CEP57L1: variants seen among roughly 807,000 people sequenced by gnomAD.
The protein encoded by CEP57L1 is centrosomal protein CEP57L1.
In CEP57L1, 37 loss-of-function variants were observed where a neutral mutation model predicts 61.0. The ratio of observed to expected loss-of-function variants is 0.61; its 90% CI spans 0.47 to 0.80. The LOEUF is 0.80. Ranked by LOEUF, CEP57L1 falls within the 30% of genes least tolerant of loss-of-function variation. The pLI is 0.00. For synonymous variants in CEP57L1, 137 were observed against 162.3 expected (o/e 0.84, Z 1.19); for missense variants, 422 against 524.7 (o/e 0.80, Z 1.91).
chr6:109,121,698 T>G (rs967144681), intron 1 of CEP57L1, among the ~76,000 whole-genome samples: 1 of 152,192 alleles, frequency 6.6e-6, no homozygotes, highest in Non-Finnish European at 1.5e-5. Flanking sequence ...AGCATTTACA[T>G]AGACTCTAGG....
At chr6:109,142,946 G>GCTCTCTCTCT (rs35714375) in intron 1 of CEP57L1, among the ~76,000 whole-genome samples, 2 of 55,526 alleles carry the variant, frequency 3.6e-5, no homozygotes, top group Non-Finnish European at 7.4e-5. Context: ...TGTCTCTCTT[G>GCTCTCTCTCT]CTCTCTCTCT....
chr6:109,146,854 A>G lies in CEP57L1; in HGVS notation c.257A>G (p.Glu86Gly). Residue 86 changes from glutamate (E) to glycine (G), a missense_variant, in exon 3 of 11, where the codon GAA becomes GGA. Coordinates refer to ENST00000517392, the MANE Select transcript of CEP57L1 (RefSeq NM_001271852.3). ...GATAACCTGAACATTCTTTCCAGAG[A>G]AGCAGCACAGTATAAGAAGGCCTTA... ...AEDNLNILSR[E>G]AAQYKKALEN... 6.2e-7 allele frequency: 1 copy of G among 1,611,046 alleles called. No homozygotes were observed. The highest frequency in any genetic ancestry group is 8.5e-7 in the Non-Finnish European group (1 of 1,178,502).
intron 1 of CEP57L1, among the ~76,000 whole-genome samples, chr6:109,134,983 A>G (rs1290374192): frequency 1.3e-5 from 2 of 152,340 alleles, no homozygotes; most frequent in East Asian, 3.9e-4. Flanking sequence ...AAATGGCCAT[A>G]CTGCCCAAAG....
rs73518389 is a variant in CEP57L1 at position 109,158,967 on chromosome 6, A to G, written c.745-58A>G. 2.0e-3 allele frequency: 3,062 copies of G among 1,531,382 alleles called. 58 individuals are homozygous for G. The African/African-American group carries it at 0.038, about 19-fold the overall frequency. The allele number at this position is 1,531,382 out of a possible 1,614,324, so 94.9% of individuals were successfully genotyped here. ...CTGTTGAGTTTTGAGAGTTCTTCAT[A>G]TCGTAAATAACTTTTAAAATAATTT... On this transcript the variant is annotated intron_variant, in intron 7 of 10. Coordinates refer to ENST00000517392, the MANE Select transcript of CEP57L1 (RefSeq NM_001271852.3).
chr6:109,156,506 A>G (rs1344218693), intron 7 of CEP57L1: 3 of 152,128 alleles, frequency 2.0e-5, no homozygotes, highest in Non-Finnish European at 1.5e-5. Context: ...GATGTTTTGA[A>G]TGTATGCTAT....
intron 1 of CEP57L1, among the ~76,000 whole-genome samples, chr6:109,096,383 G>A (rs1302255170): frequency 6.6e-6 from 1 of 152,174 alleles, no homozygotes; most frequent in Non-Finnish European, 1.5e-5. Context: ...TCACTGGGAT[G>A]TCTAGAAGGA....
chr6:109,116,505 A>G (rs1772324593), intron 1 of CEP57L1, among the ~76,000 whole-genome samples: 1 of 152,176 alleles, frequency 6.6e-6, no homozygotes, highest in Admixed American at 6.5e-5. Context: ...TACTTTTCTT[A>G]ACAGTAGAGT....
intron 1 of CEP57L1, among the ~76,000 whole-genome samples, chr6:109,105,450 C>G (rs1770816238): frequency 6.6e-6 from 1 of 152,174 alleles, no homozygotes; most frequent in African/African-American, 2.4e-5. Context: ...ATCCTTTCTC[C>G]ATGTAAATGC....
At chr6:109,106,670 T>A (rs1428340415) in intron 1 of CEP57L1, among the ~76,000 whole-genome samples, 1 of 152,192 alleles carries the variant, frequency 6.6e-6, no homozygotes, top group African/African-American at 2.4e-5. Context: ...AGCTCATGCC[T>A]GTAATCCCAG....
At chr6:109,122,970 A>G (rs1265129783) in intron 1 of CEP57L1, among the ~76,000 whole-genome samples, 1 of 152,170 alleles carries the variant, frequency 6.6e-6, no homozygotes, top group African/African-American at 2.4e-5. Context: ...TAATTTATAT[A>G]AGAATCAGTT....
At chr6:109,101,809 C>T (rs574565789) in intron 1 of CEP57L1, among the ~76,000 whole-genome samples, 7 of 151,982 alleles carry the variant, frequency 4.6e-5, no homozygotes, top group Admixed American at 3.9e-4. Context: ...TTAGTAGAGA[C>T]GGGGTTTCAC....
intron 1 of CEP57L1, chr6:109,129,409 G>A: frequency 2.4e-6 from 2 of 837,386 alleles, no homozygotes; most frequent in African/African-American, 1.8e-5. Flanking sequence ...CCTCAATTGT[G>A]CTGAGTGTCC....
At chr6:109,110,888 T>C (rs1771528288) in intron 1 of CEP57L1, among the ~76,000 whole-genome samples, 1 of 152,204 alleles carries the variant, frequency 6.6e-6, no homozygotes, top group South Asian at 2.1e-4. Context: ...GGTCTATATA[T>C]CTGTTTTGGT....
chr6:109,148,273 C>A (rs1384685193), intron 3 of CEP57L1, among the ~76,000 whole-genome samples: 5 of 152,000 alleles, frequency 3.3e-5, no homozygotes, highest in African/African-American at 1.2e-4. Context: ...CCCCTCTCCC[C>A]CCACCCCACA....
intron 1 of CEP57L1, among the ~76,000 whole-genome samples, chr6:109,096,425 A>G (rs1018087782): frequency 6.6e-6 from 1 of 152,218 alleles, no homozygotes; most frequent in Admixed American, 6.5e-5. Context: ...AAAGTCAGGG[A>G]AATCTTCATC....
intron 10 of CEP57L1, among the ~76,000 whole-genome samples, chr6:109,161,854 G>A (rs1447231790): frequency 1.3e-5 from 2 of 152,038 alleles, no homozygotes; most frequent in African/African-American, 2.4e-5. Flanking sequence ...TATGATAAAT[G>A]TAATATCTGT....
intron 5 of CEP57L1, 60 bp from the exon 6 acceptor site, chr6:109,155,170 A>G: frequency 9.4e-7 from 1 of 1,068,352 alleles, no homozygotes; most frequent in Non-Finnish European, 1.4e-6. Flanking sequence ...TTTGGAAAAG[A>G]AACAAATGAT....
At chr6:109,160,519 G>T (rs1773621136) in intron 9 of CEP57L1, 53 bp from the exon 10 acceptor site, 4 of 1,383,404 alleles carry the variant, frequency 2.9e-6, no homozygotes, top group Non-Finnish European at 3.9e-6. Flanking sequence ...TTATGGCAAA[G>T]AAATATATGC....
intron 1 of CEP57L1, among the ~76,000 whole-genome samples, chr6:109,109,560 C>G (rs1321408759): frequency 6.6e-6 from 1 of 152,078 alleles, no homozygotes; most frequent in East Asian, 1.9e-4. Context: ...TTTTATTATA[C>G]TTTAAGTTCT....
Sources: allele counts gnomAD v4.1 joint callset (sites outside exome capture counted in the v4.1 genomes callset), GRCh38; gene constraint gnomAD v4.1.1; transcripts MANE v1.5; gene names NCBI Gene and HGNC (gene_info 2026-07-23, HGNC 2026-07-21).